Variants in SDK1 observed in about 807,000 individuals in gnomAD.
The protein encoded by SDK1 is protein sidekick-1.
SDK1 carries 157 observed loss-of-function variants against 245.5 expected under a neutral mutation model. The observed-to-expected ratio is 0.64, with a 90% CI of 0.56 to 0.73. SDK1 has a LOEUF of 0.73. Ranked by LOEUF, SDK1 falls within the 30% of genes least tolerant of loss-of-function variation. The pLI is 0.00. For synonymous variants in SDK1, 1,647 were observed against 1,278.5 expected, an observed-to-expected ratio of 1.29 and a Z score of -6.15; for missense variants, 3,583 against 3,002.3, an observed-to-expected ratio of 1.19 and a Z score of -4.52.
chr7:3,643,893 A>G (rs1782736475), intron 4 of SDK1: 1 of 148,666 alleles, frequency 6.7e-6, no homozygotes, highest in African/African-American at 2.5e-5. Context: ...TAATAATTAT[A>G]TAATACTTAT....
chr7:4,126,439 G>T (rs537838438), intron 25 of SDK1, among the ~76,000 whole-genome samples: 30 of 152,348 alleles, frequency 2.0e-4, no homozygotes, highest in African/African-American at 6.7e-4. Context: ...TCTTACATGT[G>T]GGCCGGGAGT....
intron 1 of SDK1, among the ~76,000 whole-genome samples, chr7:3,311,373 C>G (rs1440564631): frequency 6.6e-6 from 1 of 152,046 alleles, no homozygotes; most frequent in East Asian, 1.9e-4. Context: ...TCTTTTTGAG[C>G]TCAATCTCAC....
chr7:4,266,535 G>A lies in SDK1; in HGVS notation c.*1151G>A. 5.1e-6 allele frequency: 5 copies of A among 985,064 alleles called. No homozygotes were observed. The highest frequency in any genetic ancestry group is 6.0e-6 in the Non-Finnish European group (5 of 829,890). The allele number at this position is 985,064 out of a possible 1,614,324, so 61.0% of individuals were successfully genotyped here. A position where few individuals can be genotyped will look rare whatever the true frequency, so the allele number is the denominator to read the frequency against. ...CTGCTGCCCCCTCTCCCAGTCCGAG[G>A]CCAGCTTTTAGCCTTAACAGGTTTT... On this transcript the variant is annotated 3_prime_UTR_variant, in exon 45 of 45. Coordinates refer to ENST00000404826, the MANE Select transcript of SDK1 (RefSeq NM_152744.4).
At chr7:3,712,002 G>A (rs1380304470) in intron 4 of SDK1, among the ~76,000 whole-genome samples, 1 of 152,204 alleles carries the variant, frequency 6.6e-6, no homozygotes, top group Admixed American at 6.5e-5. Flanking sequence ...GGGTTGGTGT[G>A]ACAGTTCCAT....
chr7:3,976,067 T>C (rs1433083194), intron 13 of SDK1, among the ~76,000 whole-genome samples: 15 of 956 alleles, frequency 0.016, 2 homozygotes, highest in Non-Finnish European at 0.034. Flanking sequence ...ACGTAGAGGG[T>C]CCTCCAGAGA....
intron 1 of SDK1, among the ~76,000 whole-genome samples, chr7:3,504,760 A>G (rs1782336369): frequency 6.7e-6 from 1 of 150,300 alleles, no homozygotes. Context: ...ACATTACACT[A>G]AAAGCACAAA....
At chr7:3,902,417 G>A (rs117874439) in intron 5 of SDK1, among the ~76,000 whole-genome samples, 359 of 152,218 alleles carry the variant, frequency 2.4e-3, no homozygotes, top group Non-Finnish European at 4.4e-3. Context: ...CGATACTACT[G>A]CTCACTACAA....
At chr7:4,173,735 C>T (rs1421382645) in intron 32 of SDK1, among the ~76,000 whole-genome samples, 1 of 152,160 alleles carries the variant, frequency 6.6e-6, no homozygotes, top group Non-Finnish European at 1.5e-5. Flanking sequence ...GAGTCCGGCA[C>T]AGTGGGGTGG....
At chr7:3,639,188 C>G in intron 3 of SDK1, 78 bp downstream of exon 3, 2 of 729,012 alleles carry the variant, frequency 2.7e-6, no homozygotes, top group South Asian at 4.3e-5. Flanking sequence ...CACTTTTCAC[C>G]ATTGTAGGAA....
At chr7:4,047,773 G>C (rs138612772) in intron 17 of SDK1, among the ~76,000 whole-genome samples, 453 of 152,288 alleles carry the variant, frequency 3.0e-3, no homozygotes, top group African/African-American at 0.01. Context: ...CGACCACCTG[G>C]CTGGTATGCA....
chr7:4,218,579 G>T (rs567529487), intron 38 of SDK1, among the ~76,000 whole-genome samples: 6 of 152,192 alleles, frequency 3.9e-5, no homozygotes, highest in Non-Finnish European at 8.8e-5. Flanking sequence ...GTAGGAAGGC[G>T]CTTTGTTCTG....
At chr7:3,714,705 T>G (rs1785150518) in intron 4 of SDK1, among the ~76,000 whole-genome samples, 1 of 152,226 alleles carries the variant, frequency 6.6e-6, no homozygotes, top group African/African-American at 2.4e-5. Flanking sequence ...TTATTTTCTC[T>G]CAAAAGTGCT....
intron 28 of SDK1, among the ~76,000 whole-genome samples, chr7:4,143,082 G>C (rs1156962586): frequency 3.3e-5 from 5 of 152,142 alleles, no homozygotes; most frequent in Non-Finnish European, 7.4e-5. Context: ...ACTCAATCAG[G>C]CATTGCAAAG....
chr7:3,694,171 C>G (rs1784509324), intron 4 of SDK1, among the ~76,000 whole-genome samples: 1 of 152,198 alleles, frequency 6.6e-6, no homozygotes, highest in African/African-American at 2.4e-5. Flanking sequence ...TGCTCTTTGC[C>G]TCAGTCTCCA....
intron 4 of SDK1, among the ~76,000 whole-genome samples, chr7:3,644,243 T>TTATA (rs66881824): frequency 0.22 from 32,316 of 144,784 alleles, 3,684 homozygotes; most frequent in South Asian, 0.34. Context: ...GAACAAAAAT[T>TTATA]TATATATATA....
rs9719349 is a variant in SDK1, at chr7:4,263,619, G to A, written c.6382-1505G>A. 7.5e-3 allele frequency among the ~76,000 whole-genome samples: 189 copies of A among 25,046 alleles called. 3 individuals carry two copies. The highest frequency in any genetic ancestry group is 0.013 in the African/African-American group (42 of 3,282). The allele number at this position is 25,046 out of a possible 152,430, so 16.4% of individuals were successfully genotyped here. A position where few individuals can be genotyped will look rare whatever the true frequency, so the allele number is the denominator to read the frequency against. ...TAGACCTCTCCTGAGTGGGGAGGCC[G>A]CGTAGACCTCTCCTGAGTGGGGAGG... On this transcript the variant is annotated intron_variant, in intron 44 of 44. Coordinates refer to ENST00000404826, the MANE Select transcript of SDK1 (RefSeq NM_152744.4).
intron 35 of SDK1, among the ~76,000 whole-genome samples, chr7:4,198,458 C>G (rs1169183305): frequency 6.6e-6 from 1 of 152,252 alleles, no homozygotes; most frequent in African/African-American, 2.4e-5. Flanking sequence ...AGCCCTCCTG[C>G]ACTTCCTTCC....
intron 1 of SDK1, among the ~76,000 whole-genome samples, chr7:3,404,506 T>G (rs1300309220): frequency 6.6e-6 from 1 of 152,242 alleles, no homozygotes; most frequent in African/African-American, 2.4e-5. Flanking sequence ...TTTTGTCATC[T>G]AAACAACTTG....
At chr7:4,017,113 A>C in intron 16 of SDK1, 58 bp from the exon 17 acceptor site, 712 of 1,513,898 alleles carry the variant, frequency 4.7e-4, no homozygotes, top group Non-Finnish European at 5.8e-4. Context: ...ACTGCGGGTA[A>C]ACACCGTTCC....
Sources: gnomAD v4.1 joint callset for allele counts (sites outside exome capture counted in the v4.1 genomes callset) on GRCh38, gnomAD v4.1.1 for gene constraint, MANE v1.5 for transcripts, NCBI Gene and HGNC (gene_info 2026-07-23, HGNC 2026-07-21) for gene names.